C1orf21: variants seen among roughly 807,000 people sequenced by gnomAD.
The protein encoded by C1orf21 is chromosome 1 open reading frame 21.
Under a neutral mutation model 18.7 loss-of-function variants are expected in C1orf21, and 3 were observed. The observed-to-expected ratio is 0.16, with a 90% CI of 0.07 to 0.42. The LOEUF (loss-of-function observed/expected upper bound fraction) is 0.42. Among genes scored for constraint, C1orf21 ranks in the 10% least tolerant of loss-of-function variants. C1orf21 has a pLI of 0.99. For missense variants in C1orf21, 104 were observed against 143.6 expected (o/e 0.72, Z 1.41); for synonymous variants, 41 against 46.4 (o/e 0.88, Z 0.47).
At chr1:184,551,542 G>A (rs182744820) in intron 3 of C1orf21, among the ~76,000 whole-genome samples, 152 of 152,282 alleles carry the variant, frequency 1.0e-3, no homozygotes, top group Non-Finnish European at 1.5e-3. Context: ...CCAGGATCTG[G>A]GCACTGAATC....
At chr1:184,481,294 C>G (rs1657650212) in intron 2 of C1orf21, among the ~76,000 whole-genome samples, 1 of 152,138 alleles carries the variant, frequency 6.6e-6, no homozygotes, top group African/African-American at 2.4e-5. Context: ...GCTGTGGTGA[C>G]ACTTCTCTAT....
chr1:184,548,475 C>G (rs1390146319), intron 3 of C1orf21, among the ~76,000 whole-genome samples: 1 of 140,106 alleles, frequency 7.1e-6, no homozygotes, highest in Non-Finnish European at 1.5e-5. Flanking sequence ...AGTGCAGCGG[C>G]GCGATCTCCA....
At chr1:184,568,969 G>C (rs1159919114) in intron 3 of C1orf21, among the ~76,000 whole-genome samples, 1 of 152,208 alleles carries the variant, frequency 6.6e-6, no homozygotes, top group Admixed American at 6.5e-5. Context: ...TACAAAGATG[G>C]ATAAGACGTG....
At chr1:184,466,040 G>C (rs1049550177) in intron 1 of C1orf21, among the ~76,000 whole-genome samples, 1 of 152,128 alleles carries the variant, frequency 6.6e-6, no homozygotes, top group Non-Finnish European at 1.5e-5. Flanking sequence ...ACTTTTTGCT[G>C]TAGGAAAGAA....
intron 5 of C1orf21, among the ~76,000 whole-genome samples, chr1:184,601,137 T>G (rs1225984916): frequency 2.0e-5 from 3 of 152,216 alleles, no homozygotes; most frequent in Non-Finnish European, 4.4e-5. Context: ...CACCTAGAGC[T>G]TCATGTTGAG....
Position 184,410,617 on chromosome 1 carries a change from T to TTATATA in C1orf21, c.-125+23291_-125+23296dup, listed in dbSNP as rs1162356586. On this transcript the variant is annotated intron_variant, in intron 1 of 5. Transcript: ENST00000235307. ...GTGAAAGATTAATTTGCCATATATATTATATATATATATATATATATATAT... is the reference window on the plus strand; with the variant it reads ...GTGAAAGATTAATTTGCCATATATATTATATATATATATATATATATATATATATAT... Among the ~76,000 whole-genome samples, 52 of 21,140 alleles carry TTATATA rather than the reference T, an allele frequency of 2.5e-3. 2 individuals carry two copies. Among genetic ancestry groups the TTATATA allele is most frequent in the Non-Finnish European group, 2.8e-3 (40 of 14,544 alleles). 13.9% of individuals were successfully genotyped at this position (21,140 alleles called of 152,430 possible). A position where few individuals can be genotyped will look rare whatever the true frequency, so the allele number is the denominator to read the frequency against.
intron 5 of C1orf21, among the ~76,000 whole-genome samples, chr1:184,609,836 T>C (rs1342523651): frequency 1.3e-5 from 2 of 152,240 alleles, no homozygotes; most frequent in African/African-American, 2.4e-5. Flanking sequence ...AAAAATGTCA[T>C]GCATATGGAC....
At chr1:184,614,735 G>A (rs1659792928) in intron 5 of C1orf21, among the ~76,000 whole-genome samples, 1 of 152,202 alleles carries the variant, frequency 6.6e-6, no homozygotes. Context: ...GATGGTGGGA[G>A]ACACTGACAG....
intron 1 of C1orf21, among the ~76,000 whole-genome samples, chr1:184,403,650 C>A (rs1656199246): frequency 6.6e-6 from 1 of 152,174 alleles, no homozygotes. Context: ...AAACAAAAAT[C>A]TAGACACAGG....
chr1:184,387,831 A>G lies in C1orf21; in HGVS notation c.-125+463A>G, dbSNP rs1466841815. ...CACAATTTAGGATCCTTTGCTAAGT[A>G]TCCAAGTCCCTTCTCTCGCTCCGAC... On this transcript the variant is annotated intron_variant, in intron 1 of 5. Coordinates refer to ENST00000235307, the MANE Select transcript of C1orf21 (RefSeq NM_030806.4). This position sits in a 1 kb window ranked among gnomAD's most constrained non-coding sequence, Gnocchi z 5.6. 6.6e-6 allele frequency among the ~76,000 whole-genome samples: 1 copy of G among 152,236 alleles called. No homozygotes were observed. Among genetic ancestry groups the G allele is most frequent in the Non-Finnish European group, 1.5e-5 (1 of 68,044 alleles).
At chr1:184,561,805 A>G (rs1324153761) in intron 3 of C1orf21, among the ~76,000 whole-genome samples, 2 of 152,082 alleles carry the variant, frequency 1.3e-5, no homozygotes, top group East Asian at 3.9e-4. Flanking sequence ...TTTAGTAGAG[A>G]CGGGGTTTCA....
At chr1:184,573,815 C>T (rs1659147659) in intron 3 of C1orf21, among the ~76,000 whole-genome samples, 1 of 151,468 alleles carries the variant, frequency 6.6e-6, no homozygotes, top group Admixed American at 6.6e-5. Flanking sequence ...CACATGTACC[C>T]CCTGAATATA....
chr1:184,558,239 C>A (rs2101984718), intron 3 of C1orf21, among the ~76,000 whole-genome samples: 1 of 152,276 alleles, frequency 6.6e-6, no homozygotes, highest in South Asian at 2.1e-4. Flanking sequence ...ACATCTCCTT[C>A]AAAACTCACC....
At chr1:184,617,904 GTT>G (rs142357373) in intron 5 of C1orf21, among the ~76,000 whole-genome samples, 31,384 of 85,966 alleles carry the variant, frequency 0.37, 4,658 homozygotes, top group African/African-American at 0.54. Flanking sequence ...TGTTGTTGTT[GTT>G]TTTTTTTTTT....
At position 184,578,576 on chromosome 1, in the gene C1orf21, G is replaced by C. The variant is rs560704179; in HGVS notation, c.190-12163G>C. Among the ~76,000 whole-genome samples, 292 of 152,138 alleles carry C rather than the reference G, an allele frequency of 1.9e-3. 4 individuals carry two copies. Among genetic ancestry groups the C allele is most frequent in the Admixed American group, 2.1e-3 (32 of 15,270 alleles). On this transcript the variant is annotated intron_variant, in intron 3 of 5. Transcript: ENST00000235307. ...TCAAGTACTTTTAGTTTGTTTTGAA[G>C]TTTAAGCTCCAAATGGCATTTTGGC... is the stretch of plus-strand genomic sequence containing the variant.
At chr1:184,615,249 A>C (rs1659803267) in intron 5 of C1orf21, among the ~76,000 whole-genome samples, 1 of 152,174 alleles carries the variant, frequency 6.6e-6, no homozygotes. Flanking sequence ...AAGACGTGGA[A>C]GCCTCTACAC....
chr1:184,418,281 G>C (rs1020475670), intron 1 of C1orf21, among the ~76,000 whole-genome samples: 2 of 152,012 alleles, frequency 1.3e-5, no homozygotes, highest in African/African-American at 4.8e-5. Flanking sequence ...ATGCAGTGGC[G>C]CCATCATGGC....
intron 3 of C1orf21, among the ~76,000 whole-genome samples, chr1:184,514,601 C>T (rs1658196790): frequency 6.6e-6 from 1 of 152,166 alleles, no homozygotes; most frequent in South Asian, 2.1e-4. Flanking sequence ...AAAGTTTAAA[C>T]ATGCACACCC....
chr1:184,571,507 C>T (rs1659112146), intron 3 of C1orf21, among the ~76,000 whole-genome samples: 2 of 152,160 alleles, frequency 1.3e-5, no homozygotes, highest in African/African-American at 4.8e-5. Flanking sequence ...TTTTGATTGC[C>T]TTTCGAGTAG....
Sources: gnomAD v4.1 joint callset for allele counts (sites outside exome capture counted in the v4.1 genomes callset) on GRCh38, gnomAD v4.1.1 for gene constraint, Gnocchi (gnomAD v3.1) non-coding constraint, MANE v1.5 for transcripts, NCBI Gene and HGNC (gene_info 2026-07-23, HGNC 2026-07-21) for gene names.